The following NTN1 variants were observed in gnomAD, a reference collection of about 807,000 sequenced individuals.
The protein encoded by NTN1 is netrin-1.
In NTN1, 11 loss-of-function variants were observed where a neutral mutation model predicts 54.2. The observed-to-expected ratio is 0.20, with a 90% CI of 0.13 to 0.34. The LOEUF (loss-of-function observed/expected upper bound fraction) is 0.34, where lower values mean the gene tolerates loss of function less well. Among genes scored for constraint, NTN1 ranks in the 10% least tolerant of loss-of-function variants. The pLI is 1.00. For missense variants in NTN1, 740 were observed against 893.1 expected (o/e 0.83, Z 2.18); for synonymous variants, 371 against 382.0 (o/e 0.97, Z 0.33).
chr17:9,029,562 A>G (rs760902901), intron 2 of NTN1, among the ~76,000 whole-genome samples: 1 of 152,200 alleles, frequency 6.6e-6, no homozygotes, highest in African/African-American at 2.4e-5. Flanking sequence ...ACAGACGTTC[A>G]CCTCAAAGAT....
intron 5 of NTN1, among the ~76,000 whole-genome samples, chr17:9,210,914 A>G (rs1905093395): frequency 6.8e-6 from 1 of 146,904 alleles, no homozygotes; most frequent in African/African-American, 2.5e-5. Flanking sequence ...TGAAAAAAAA[A>G]AAAAAAAAAA....
At chr17:9,034,478 A>G (rs2091897251) in intron 2 of NTN1, among the ~76,000 whole-genome samples, 2 of 146,762 alleles carry the variant, frequency 1.4e-5, no homozygotes, top group South Asian at 2.1e-4. Flanking sequence ...GCTGGAGTGC[A>G]GTGGTACGAT....
At chr17:9,225,706 G>T (rs1295533407) in intron 6 of NTN1, among the ~76,000 whole-genome samples, 1 of 152,182 alleles carries the variant, frequency 6.6e-6, no homozygotes. Flanking sequence ...AGGGGAGGCC[G>T]CCAAACCGGG....
chr17:9,119,956 G>T (rs2092227073), intron 2 of NTN1, among the ~76,000 whole-genome samples: 2 of 151,956 alleles, frequency 1.3e-5, no homozygotes, highest in Admixed American at 1.3e-4. Context: ...CAGATGTTTT[G>T]CCCAGTTTTA....
At chr17:9,230,824 G>A (rs1234468606) in intron 6 of NTN1, among the ~76,000 whole-genome samples, 1 of 152,110 alleles carries the variant, frequency 6.6e-6, no homozygotes. Flanking sequence ...GCTTCCTCTT[G>A]TCTCTCCCGA....
chr17:9,147,759 A>G (rs1336848777), intron 2 of NTN1, among the ~76,000 whole-genome samples: 1 of 152,160 alleles, frequency 6.6e-6, no homozygotes, highest in Non-Finnish European at 1.5e-5. Context: ...GGAATCTGCC[A>G]TCCCCTGTCT....
In NTN1 at chr17:9,022,610, G is replaced by A; in HGVS notation, c.237G>A (p.Val79=). The A allele has an allele frequency of 6.4e-7, 1 of 1,550,990 alleles. No individual in the cohort carries two copies. Among genetic ancestry groups the A allele is most frequent in the African/African-American group, 1.4e-5 (1 of 73,250 alleles). ...GCCGGCCCCCGGCGCGCTACTGCGTGGTGAGCGAGCGCGGCGAGGAGCGGC... is the reference window on the plus strand; with the variant it reads ...GCCGGCCCCCGGCGCGCTACTGCGTAGTGAGCGAGCGCGGCGAGGAGCGGC... The part of the protein sequence containing the change: ...TCGRPPARYC[V]VSERGEERLR... The change falls in exon 2 of 7, where the codon GTG becomes GTA. Residue 79 remains valine (V), a synonymous_variant. Transcript: ENST00000173229.
upstream of NTN1, among the ~76,000 whole-genome samples, chr17:9,017,713 G>C (rs1398676997): frequency 6.6e-6 from 1 of 152,198 alleles, no homozygotes; most frequent in Non-Finnish European, 1.5e-5. Flanking sequence ...TTGAACTCCA[G>C]TTTGCTCTGT....
At chr17:9,104,718 T>C (rs1345834153) in intron 2 of NTN1, among the ~76,000 whole-genome samples, 3 of 152,210 alleles carry the variant, frequency 2.0e-5, no homozygotes, top group Admixed American at 2.0e-4. Flanking sequence ...GACACCCTGG[T>C]CTGGCCTTTT....
chr17:9,043,642 T>C (rs535536441), intron 2 of NTN1, among the ~76,000 whole-genome samples: 1 of 151,994 alleles, frequency 6.6e-6, no homozygotes, highest in South Asian at 2.1e-4. Context: ...AATGGCGCGA[T>C]CTTGGCTCAC....
At chr17:9,155,012 C>T (rs2092337275) in intron 2 of NTN1, among the ~76,000 whole-genome samples, 1 of 152,188 alleles carries the variant, frequency 6.6e-6, no homozygotes. Context: ...CCCCAGGTGA[C>T]CATATGCACG....
intron 2 of NTN1, among the ~76,000 whole-genome samples, chr17:9,155,584 G>A (rs1215431444): frequency 4.6e-5 from 7 of 151,842 alleles, no homozygotes; most frequent in Admixed American, 2.0e-4. Context: ...CAGGTGATCC[G>A]CCCGTCTCGG....
intron 2 of NTN1, among the ~76,000 whole-genome samples, chr17:9,060,210 C>G (rs1450397529): frequency 1.3e-5 from 2 of 152,102 alleles, no homozygotes; most frequent in Non-Finnish European, 2.9e-5. Flanking sequence ...TCAGCCTACT[C>G]CGTGTGAAGA....
intron 2 of NTN1, among the ~76,000 whole-genome samples, chr17:9,027,653 C>A (rs1246603375): frequency 1.3e-5 from 2 of 152,272 alleles, no homozygotes; most frequent in African/African-American, 2.4e-5. Flanking sequence ...TATTTTACAT[C>A]ATATTATTAT....
intron 5 of NTN1, among the ~76,000 whole-genome samples, chr17:9,202,781 G>A (rs1307641120): frequency 6.6e-6 from 1 of 152,182 alleles, no homozygotes. Context: ...TTCAGCCACG[G>A]CACAAGGAAT....
rs1906109055 is a variant in NTN1, at chr17:9,239,464, T to C, written c.1487-176T>C. The stretch of plus-strand genomic sequence containing the variant: ...TGGGAGGCAAGGCTTCTTGGCCCTG[T>C]TGTTAGCAGGTGGGGGTCTACGATC... On this transcript the variant is annotated intron_variant, in intron 6 of 6. Transcript: ENST00000173229. This position sits in a 1 kb window ranked among gnomAD's most constrained non-coding sequence, Gnocchi z 5.2. Among the ~76,000 whole-genome samples the C allele has an allele frequency of 6.6e-6, 1 of 152,114 alleles. No homozygotes were observed. Among genetic ancestry groups the C allele is most frequent in the South Asian group, 2.1e-4 (1 of 4,826 alleles).
chr17:9,225,766 C>T (rs549934166), intron 6 of NTN1, among the ~76,000 whole-genome samples: 5 of 152,326 alleles, frequency 3.3e-5, no homozygotes, highest in South Asian at 2.1e-4. Context: ...GCATAATCCC[C>T]GCTCTCTGAC....
intron 5 of NTN1, among the ~76,000 whole-genome samples, chr17:9,185,809 T>A (rs190828972): frequency 6.6e-6 from 1 of 152,126 alleles, no homozygotes; most frequent in African/African-American, 2.4e-5. Flanking sequence ...GCAAATTGTT[T>A]GTTTGGTTTT....
At chr17:9,115,265 G>C (rs1218809260) in intron 2 of NTN1, among the ~76,000 whole-genome samples, 2 of 152,228 alleles carry the variant, frequency 1.3e-5, no homozygotes, top group African/African-American at 4.8e-5. Context: ...GCCTTTGAGA[G>C]AGACTTTTGA....
Sources: allele counts gnomAD v4.1 joint callset (sites outside exome capture counted in the v4.1 genomes callset), GRCh38; gene constraint gnomAD v4.1.1; non-coding constraint Gnocchi (gnomAD v3.1); transcripts MANE v1.5; gene names NCBI Gene and HGNC (gene_info 2026-07-23, HGNC 2026-07-21).